The following STON2 variants were observed in gnomAD, a reference collection of about 807,000 sequenced individuals.
The protein encoded by STON2 is stonin-2.
In STON2, 29 loss-of-function variants were observed where a neutral mutation model predicts 65.7. That is an observed-to-expected ratio of 0.44 (90% CI 0.33 to 0.60). The LOEUF is 0.60. Among genes scored for constraint, STON2 ranks in the 20% least tolerant of loss-of-function variants. The probability of loss-of-function intolerance (pLI) is 0.03; values close to 1 mark genes in which losing one functional copy is unlikely to be tolerated. For missense variants in STON2, 1,054 were observed against 1,118.1 expected (o/e 0.94, Z 0.82); for synonymous variants, 404 against 414.2 (o/e 0.98, Z 0.30).
chr14:81,287,253 C>A (rs981082846), intron 5 of STON2, among the ~76,000 whole-genome samples: 2 of 152,094 alleles, frequency 1.3e-5, no homozygotes, highest in East Asian at 1.9e-4. Flanking sequence ...GATAAGTCTA[C>A]GCTGGGACCT....
chr14:81,360,656 T>C (rs1898451594), intron 4 of STON2, among the ~76,000 whole-genome samples: 1 of 152,122 alleles, frequency 6.6e-6, no homozygotes, highest in Non-Finnish European at 1.5e-5. Flanking sequence ...TTCAACATAG[T>C]ATTGAAAATC....
intron 2 of STON2, chr14:81,413,139 T>C: frequency 7.5e-7 from 1 of 1,334,972 alleles, no homozygotes; most frequent in Non-Finnish European, 1.0e-6. Flanking sequence ...TGACACTGCA[T>C]CGTGGGGAGG....
intron 7 of STON2, 130 bp downstream of exon 7, chr14:81,270,540 G>T: frequency 1.3e-6 from 2 of 1,580,234 alleles, no homozygotes; most frequent in South Asian, 1.2e-5. Flanking sequence ...TATGTATGGT[G>T]AACTTCCTCT....
chr14:81,392,910 G>T (rs1383326605), intron 3 of STON2, among the ~76,000 whole-genome samples: 2 of 152,138 alleles, frequency 1.3e-5, no homozygotes, highest in Non-Finnish European at 1.5e-5. Context: ...TTCATCTGCT[G>T]TTATTTTTTA....
At chr14:81,414,098 G>A (rs1031627552) in intron 2 of STON2, among the ~76,000 whole-genome samples, 1 of 139,542 alleles carries the variant, frequency 7.2e-6, no homozygotes, top group Non-Finnish European at 1.5e-5. Context: ...TCTCACAGGA[G>A]GGAGGACAAG....
At chr14:81,432,789 C>A (rs1015815220) in intron 1 of STON2, among the ~76,000 whole-genome samples, 1 of 152,262 alleles carries the variant, frequency 6.6e-6, no homozygotes, top group Non-Finnish European at 1.5e-5. Context: ...CTCAGCTACT[C>A]TTACAGAGCC....
In STON2 at chr14:81,276,917, C is replaced by T. The variant is rs771239398; in HGVS notation, c.2565G>A (p.Leu855=). The T allele has an allele frequency of 1.2e-6, 2 of 1,607,582 alleles. No homozygotes were observed. The highest frequency in any genetic ancestry group is 1.7e-6 in the Non-Finnish European group (2 of 1,175,164). ...FNSIVWRINR[L]PDKNSASGHP... Reference sequence around the variant, plus strand: ...ACCACCCACCTGAGTTTTTGTCCGGCAGTCGGTTTATCCTCCACACAATGG... The same window carrying T: ...ACCACCCACCTGAGTTTTTGTCCGGTAGTCGGTTTATCCTCCACACAATGG... Residue 855 remains leucine (L), a synonymous_variant, in exon 6 of 8, where the codon CTG becomes CTA. Coordinates refer to ENST00000614646, the MANE Select transcript of STON2 (RefSeq NM_001394390.1).
intron 4 of STON2, among the ~76,000 whole-genome samples, chr14:81,363,833 C>T (rs924297011): frequency 6.6e-6 from 1 of 152,112 alleles, no homozygotes; most frequent in Admixed American, 6.6e-5. Context: ...TTCCTGTAAT[C>T]CCATCAAGCA....
At chr14:81,272,640 T>C (rs192373251) in intron 6 of STON2, among the ~76,000 whole-genome samples, 232 of 152,362 alleles carry the variant, frequency 1.5e-3, no homozygotes, top group Admixed American at 5.4e-3. Flanking sequence ...CTTTGGAATA[T>C]TGAAAAATTT....
chr14:81,362,036 T>C (rs1470726551), intron 4 of STON2, among the ~76,000 whole-genome samples: 1 of 152,108 alleles, frequency 6.6e-6, no homozygotes, highest in Non-Finnish European at 1.5e-5. Flanking sequence ...TTGTATAATG[T>C]TGGTGGGAAT....
At position 81,280,832 on chromosome 14, in the gene STON2, G is replaced by T. The variant is rs570078827; in HGVS notation, c.743-2093C>A. On this transcript the variant is annotated intron_variant, in intron 5 of 7. Coordinates refer to ENST00000614646, the MANE Select transcript of STON2 (RefSeq NM_001394390.1). ...TCAAGACCAGCCTGGCAAAAATGGT[G>T]AAACCCTGTCTCTACTAAAAATACA... is the stretch of plus-strand genomic sequence containing the variant. Among the ~76,000 whole-genome samples, 265 of 152,178 alleles carry T rather than the reference G, an allele frequency of 1.7e-3. 2 individuals carry two copies. Among genetic ancestry groups the T allele is most frequent in the African/African-American group, 6.1e-3 (253 of 41,538 alleles).
At chr14:81,361,945 C>T (rs1400949011) in intron 4 of STON2, among the ~76,000 whole-genome samples, 1 of 152,138 alleles carries the variant, frequency 6.6e-6, no homozygotes, top group Non-Finnish European at 1.5e-5. Flanking sequence ...CATGAGATAT[C>T]ACCTCACACC....
At chr14:81,385,426 T>C (rs1899750007) in intron 3 of STON2, among the ~76,000 whole-genome samples, 1 of 140,352 alleles carries the variant, frequency 7.1e-6, no homozygotes, top group Admixed American at 6.7e-5. Flanking sequence ...TGTGTATGTA[T>C]GTATGTGTGT....
chr14:81,387,526 G>C (rs75526571), intron 3 of STON2, among the ~76,000 whole-genome samples: 2,022 of 152,126 alleles, frequency 0.013, 51 homozygotes, highest in African/African-American at 0.046. Flanking sequence ...GATTCCATAT[G>C]CTTCTTCATT....
chr14:81,384,483 G>A (rs566349276), intron 3 of STON2, among the ~76,000 whole-genome samples: 42 of 148,142 alleles, frequency 2.8e-4, no homozygotes, highest in African/African-American at 6.1e-4. Context: ...TGATCTGCCC[G>A]CCTCAGCCTA....
intron 6 of STON2, among the ~76,000 whole-genome samples, chr14:81,272,937 G>T (rs1894659820): frequency 6.6e-6 from 1 of 152,190 alleles, no homozygotes; most frequent in African/African-American, 2.4e-5. Context: ...CCGTTAAGTG[G>T]TAGAGCTGGA....
intron 4 of STON2, among the ~76,000 whole-genome samples, chr14:81,368,716 T>C (rs1251358102): frequency 1.3e-5 from 2 of 151,968 alleles, no homozygotes; most frequent in African/African-American, 4.8e-5. Context: ...AGACTCCATC[T>C]CAAAAACAAA....
chr14:81,317,548 T>C (rs1234644847), intron 5 of STON2, among the ~76,000 whole-genome samples: 1 of 152,240 alleles, frequency 6.6e-6, no homozygotes, highest in African/African-American at 2.4e-5. Context: ...ACTGGTTTCC[T>C]GTCTCAATGA....
intron 5 of STON2, among the ~76,000 whole-genome samples, chr14:81,286,918 C>T (rs934363764): frequency 3.3e-5 from 5 of 152,150 alleles, no homozygotes; most frequent in Admixed American, 2.0e-4. Context: ...TCTAGTATTT[C>T]CTTAATGCTT....
Sources: allele counts gnomAD v4.1 joint callset (sites outside exome capture counted in the v4.1 genomes callset), GRCh38; gene constraint gnomAD v4.1.1; transcripts MANE v1.5; gene names NCBI Gene and HGNC (gene_info 2026-07-23, HGNC 2026-07-21).